LIPA: variants seen among roughly 807,000 people sequenced by gnomAD.
LIPA encodes the protein lipase A, lysosomal acid type.
LIPA carries 26 observed loss-of-function variants against 40.6 expected under a neutral mutation model. The ratio of observed to expected loss-of-function variants is 0.64; its 90% CI spans 0.47 to 0.89. LIPA has a LOEUF of 0.89. LIPA is among the 40% of genes least tolerant of loss of function. The probability of loss-of-function intolerance (pLI) is 0.00; values close to 1 mark genes in which losing one functional copy is unlikely to be tolerated. For missense variants in LIPA, 455 were observed against 479.6 expected (o/e 0.95, Z 0.48); for synonymous variants, 188 against 168.4 (o/e 1.12, Z -0.90).
chr10:89,388,269 CT>C (rs1844223191), intron 2 of LIPA, among the ~76,000 whole-genome samples: 2 of 152,098 alleles, frequency 1.3e-5, no homozygotes, highest in Non-Finnish European at 2.9e-5. Flanking sequence ...CCACACCCAG[CT>C]AATTTTTGTA....
intron 1 of LIPA, chr10:89,302,077 C>G: frequency 6.2e-7 from 1 of 1,612,898 alleles, no homozygotes; most frequent in Non-Finnish European, 8.5e-7. Context: ...AAGAGTGCAG[C>G]TGCCTGAACC....
chr10:89,324,646 A>G (rs1160708654), intron 1 of LIPA, among the ~76,000 whole-genome samples: 1 of 152,200 alleles, frequency 6.6e-6, no homozygotes, highest in African/African-American at 2.4e-5. Flanking sequence ...TTGAGAATCT[A>G]TAAGAAACTT....
chr10:89,267,735 A>T (rs1843245199), intron 1 of LIPA, among the ~76,000 whole-genome samples: 1 of 148,954 alleles, frequency 6.7e-6, no homozygotes, highest in Non-Finnish European at 1.5e-5. Context: ...ATAATAAAAA[A>T]AAAAAAAGAA....
intron 3 of LIPA, among the ~76,000 whole-genome samples, chr10:89,233,829 G>A (rs546248800): frequency 1.4e-4 from 21 of 152,104 alleles, no homozygotes; most frequent in Non-Finnish European, 2.4e-4. Context: ...TCGCACCACT[G>A]GACTCTAGCC....
rs578154457 is a variant in LIPA, at chr10:89,334,478, C to CTTTTTTTTTTTTTTTTTTTTTTTTTT, written c.-2+8107_-2+8132dup. Among the ~76,000 whole-genome samples, 29 of 25,338 alleles carry CTTTTTTTTTTTTTTTTTTTTTTTTTT rather than the reference C, an allele frequency of 1.1e-3. 2 individuals are homozygous for CTTTTTTTTTTTTTTTTTTTTTTTTTT. The highest frequency in any genetic ancestry group is 1.5e-3 in the Non-Finnish European group (22 of 14,414). 16.6% of individuals were successfully genotyped at this position (25,338 alleles called of 152,430 possible). On this transcript the variant is annotated intron_variant, in intron 1 of 5. Coordinates refer to the LIPA transcript ENST00000282673. The stretch of plus-strand genomic sequence containing the variant: ...TGTTTTTTCTTCTTTTTCTTTTATT[C>CTTTTTTTTTTTTTTTTTTTTTTTTTT]TTTTTTTTTTTTTTTTTTTTTTTTT...
intron 1 of LIPA, among the ~76,000 whole-genome samples, chr10:89,279,937 T>A (rs1843306751): frequency 6.6e-6 from 1 of 152,140 alleles, no homozygotes; most frequent in South Asian, 2.1e-4. Context: ...CACACAATTG[T>A]ACAAAGACGG....
chr10:89,290,550 C>A (rs1038605462), intron 1 of LIPA, among the ~76,000 whole-genome samples: 10 of 152,192 alleles, frequency 6.6e-5, no homozygotes, highest in Non-Finnish European at 1.5e-4. Flanking sequence ...GTGACCTGCA[C>A]GTATAAATCC....
At chr10:89,321,120 A>G (rs61853141) in intron 1 of LIPA, among the ~76,000 whole-genome samples, 1 of 149,980 alleles carries the variant, frequency 6.7e-6, no homozygotes. Flanking sequence ...AAACCCTAGA[A>G]GAAAACCTAG....
At position 89,368,926 on chromosome 10, in the gene LIPA, TCACACACA is replaced by T. The variant is rs3063812; in HGVS notation, c.61+43857_61+43864del. Among the ~76,000 whole-genome samples the T allele has an allele frequency of 2.7e-4, 40 of 148,800 alleles. 2 individuals are homozygous for T. In the South Asian group the frequency reaches 5.5e-3, roughly 21 times the overall value. On this transcript the variant is annotated intron_variant, in intron 2 of 8. Coordinates refer to the LIPA transcript ENST00000371837. Reference sequence around the variant, plus strand: ...ACACTCACAAACACAAACACAAAACTCACACACACACACACACACACACACACAAATGG... The same window carrying T: ...ACACTCACAAACACAAACACAAAACTCACACACACACACACACACAAATGG...
chr10:89,287,734 C>T (rs1843348592), intron 1 of LIPA, among the ~76,000 whole-genome samples: 1 of 152,212 alleles, frequency 6.6e-6, no homozygotes. Flanking sequence ...TATCACTTGC[C>T]TGTTACAGCA....
At chr10:89,225,048 GGAAATCTGCGGGGA>G (rs1842748892) in intron 6 of LIPA, 30 bp downstream of exon 6, 1 of 1,605,314 alleles carries the variant, frequency 6.2e-7, no homozygotes, top group Non-Finnish European at 8.5e-7. Flanking sequence ...GATCTCAGGA[GGAAATCTGCGGGGA>G]GAGGAGAGGG....
chr10:89,340,298 C>T, intron 1 of LIPA: 1 of 620,332 alleles, frequency 1.6e-6, no homozygotes, highest in Non-Finnish European at 2.6e-6. Flanking sequence ...GTGGCTCATG[C>T]CTGTAATCCC....
At chr10:89,271,278 T>C (rs1256988767) in intron 1 of LIPA, among the ~76,000 whole-genome samples, 1 of 152,238 alleles carries the variant, frequency 6.6e-6, no homozygotes, top group Admixed American at 6.5e-5. Flanking sequence ...GGGATGATTC[T>C]GAAGGACAGT....
intron 2 of LIPA, among the ~76,000 whole-genome samples, chr10:89,349,134 A>G (rs1843942917): frequency 6.6e-6 from 1 of 152,198 alleles, no homozygotes; most frequent in African/African-American, 2.4e-5. Context: ...AGGAACTCAG[A>G]TGTCATGAAT....
intron 1 of LIPA, among the ~76,000 whole-genome samples, chr10:89,315,292 A>G (rs1156702006): frequency 6.6e-6 from 1 of 152,242 alleles, no homozygotes; most frequent in Non-Finnish European, 1.5e-5. Flanking sequence ...TATCACCAAG[A>G]TAACAAATTG....
intron 1 of LIPA, among the ~76,000 whole-genome samples, chr10:89,276,715 T>TAGTGTGGCA (rs1843291064): frequency 6.6e-6 from 1 of 152,220 alleles, no homozygotes; most frequent in South Asian, 2.1e-4. Context: ...GCCAGTTATT[T>TAGTGTGGCA]AATATTTAGT....
chr10:89,392,787 C>T, intron 2 of LIPA: 1 of 1,500,234 alleles, frequency 6.7e-7, no homozygotes, highest in Non-Finnish European at 9.3e-7. Flanking sequence ...AATACTATTT[C>T]AACAGGTTAG....
chr10:89,356,187 G>C (rs1843987474), intron 2 of LIPA, among the ~76,000 whole-genome samples: 1 of 152,112 alleles, frequency 6.6e-6, no homozygotes, highest in Non-Finnish European at 1.5e-5. Flanking sequence ...CAACCAAATG[G>C]AAGAGTTGCA....
intron 1 of LIPA, among the ~76,000 whole-genome samples, chr10:89,271,810 C>A (rs753232249): frequency 1.4e-4 from 21 of 152,052 alleles, no homozygotes; most frequent in Non-Finnish European, 2.6e-4. Context: ...GCTTGTAATC[C>A]CAACAGTTTG....
Sources: allele counts gnomAD v4.1 joint callset (sites outside exome capture counted in the v4.1 genomes callset), GRCh38; gene constraint gnomAD v4.1.1; transcripts MANE v1.5; gene names NCBI Gene and HGNC (gene_info 2026-07-23, HGNC 2026-07-21).